BRD8: variants seen among roughly 807,000 people sequenced by gnomAD.
The protein encoded by BRD8 is bromodomain containing 8.
Under a neutral mutation model 143.1 loss-of-function variants are expected in BRD8, and 67 were observed. The observed-to-expected ratio is 0.47, with a 90% CI of 0.38 to 0.57. The LOEUF (loss-of-function observed/expected upper bound fraction) is 0.57, where lower values mean the gene tolerates loss of function less well. Among genes scored for constraint, BRD8 ranks in the 20% least tolerant of loss-of-function variants. The pLI is 0.00. For synonymous variants in BRD8, 505 were observed against 517.1 expected (o/e 0.98, Z 0.32); for missense variants, 1,103 against 1,503.0 (o/e 0.73, Z 4.40).
At chr5:138,169,878 G>GA (rs1226168152) in intron 7 of BRD8, among the ~76,000 whole-genome samples, 2 of 152,198 alleles carry the variant, frequency 1.3e-5, no homozygotes, top group Non-Finnish European at 2.9e-5. Flanking sequence ...AGAATCACTT[G>GA]AACCCGCGAG....
At position 138,160,061 on chromosome 5, in the gene BRD8, C is replaced by T. The variant is rs373221731; in HGVS notation, c.2532+8G>A. 1.2e-5 allele frequency: 20 copies of T among 1,606,774 alleles called. No homozygotes were observed. Among genetic ancestry groups the T allele is most frequent in the African/African-American group, 2.7e-5 (2 of 74,760 alleles). ...ACTGGCACACAGGTTCCTTCCTGATCGCCTCACCTTCTCTGAAGCATCCTG... is the reference window on the plus strand; with the variant it reads ...ACTGGCACACAGGTTCCTTCCTGATTGCCTCACCTTCTCTGAAGCATCCTG... On this transcript the variant is annotated splice_region_variant and intron_variant, in intron 19 of 26. Transcript: ENST00000254900.
At chr5:138,163,031 G>A in intron 15 of BRD8, 99 bp downstream of exon 15, 1 of 746,198 alleles carries the variant, frequency 1.3e-6, no homozygotes, top group Non-Finnish European at 1.9e-6. Context: ...AAAGGGAAAA[G>A]AAAAGAAAAG....
chr5:138,176,038 G>T (rs1306809258), intron 2 of BRD8, among the ~76,000 whole-genome samples: 1 of 151,270 alleles, frequency 6.6e-6, no homozygotes, highest in Non-Finnish European at 1.5e-5. Flanking sequence ...GTACACGAAT[G>T]TGCACATCAT....
At chr5:138,158,643 A>C (rs925974035) in intron 20 of BRD8, among the ~76,000 whole-genome samples, 8 of 147,778 alleles carry the variant, frequency 5.4e-5, no homozygotes, top group Non-Finnish European at 1.2e-4. Flanking sequence ...GGGTTTTTAC[A>C]TGTTGGTCAG....
intron 23 of BRD8, among the ~76,000 whole-genome samples, chr5:138,148,187 A>T (rs1430249739): frequency 1.3e-5 from 2 of 150,634 alleles, no homozygotes; most frequent in Admixed American, 1.3e-4. Flanking sequence ...GAAAAAAAAA[A>T]GGGAAAAAAA....
chr5:138,170,786 A>T (rs755436369), intron 6 of BRD8, 46 bp downstream of exon 6: 28 of 1,512,780 alleles, frequency 1.9e-5, no homozygotes, highest in Middle Eastern at 1.7e-4. Flanking sequence ...AGGGGAAAAG[A>T]GGGTAAAAAG....
intron 9 of BRD8, 140 bp downstream of exon 9, chr5:138,167,794 G>T: frequency 1.4e-6 from 1 of 707,740 alleles, no homozygotes. Flanking sequence ...TGTTTACCAG[G>T]TAAAGTAGCT....
chr5:138,168,682 G>A, intron 8 of BRD8: 2 of 1,569,672 alleles, frequency 1.3e-6, no homozygotes, highest in South Asian at 1.1e-5. Flanking sequence ...AAAGTCCCGG[G>A]GGTTACCTAA....
At position 138,150,842 on chromosome 5, in the gene BRD8, A is replaced by C. The variant is rs747298740; in HGVS notation, c.3023T>G (p.Val1008Gly). Residue 1008 changes from valine (V) to glycine (G), a missense_variant, in exon 22 of 27, where the codon GTA (valine) becomes GGA (glycine). Around this residue, in one of 7 missense-constraint regions of BRD8, gnomAD observed 369 missense variants for 445.5 expected, o/e 0.83. Coordinates refer to ENST00000254900, the MANE Select transcript of BRD8 (RefSeq NM_139199.2). Reference protein sequence around the residue: ...EELSAKGDPLVAEKPLGENGK... With the variant: ...EELSAKGDPLGAEKPLGENGK... ...ATTTTCTCCCAGTGGCTTTTCAGCT[A>C]CTAAGGGGTCTCCTTTAGCTGAAAG... is the stretch of plus-strand genomic sequence containing the variant. 9 of 1,614,118 alleles carry C rather than the reference A, an allele frequency of 5.6e-6. No individual in the cohort carries two copies. The South Asian group carries it at 9.9e-5, about 18-fold the overall frequency.
intron 2 of BRD8, 182 bp downstream of exon 2, chr5:138,177,389 G>A: frequency 7.2e-6 from 3 of 415,904 alleles, no homozygotes; most frequent in South Asian, 3.2e-5. Context: ...AAATTAGCTG[G>A]GCGTGTCCGC....
Position 138,165,074 on chromosome 5 carries a change from G to T in BRD8, c.1371C>A (p.Gly457=). 1 of 1,614,170 alleles carries T rather than the reference G, an allele frequency of 6.2e-7. No individual in the cohort carries two copies. Among genetic ancestry groups the T allele is most frequent in the Non-Finnish European group, 8.5e-7 (1 of 1,180,034 alleles). Residue 457 remains glycine (G), a synonymous_variant, in exon 12 of 27, where the codon GGC becomes GGA. Coordinates refer to ENST00000254900, the MANE Select transcript of BRD8 (RefSeq NM_139199.2). ...EENDDPQSLP[G]PWEHPIQQER... ...CCTGCTGGATAGGATGCTCCCAGGG[G>T]CCAGGCAGGGACTGAGGATCATCAT... is the stretch of plus-strand genomic sequence containing the variant.
At chr5:138,158,779 C>A (rs1489888197) in intron 20 of BRD8, among the ~76,000 whole-genome samples, 1 of 137,402 alleles carries the variant, frequency 7.3e-6, no homozygotes, top group Non-Finnish European at 1.6e-5. Context: ...TTTTTTTTTT[C>A]TTTTGAGACA....
In BRD8 at chr5:138,167,948, G is replaced by T. The variant is rs1261370200; in HGVS notation, c.773C>A (p.Ser258Tyr). 3 of 1,613,532 alleles carry T rather than the reference G, an allele frequency of 1.9e-6. No individual in the cohort carries two copies. The highest frequency in any genetic ancestry group is 2.5e-6 in the Non-Finnish European group (3 of 1,179,536). ...TGGTAACTTACCTGATGCAGCAGGG[G>T]AGGCTGCAACAGTATTGGGTGTTTG... ...IQQTPNTVAASPAASGAPTLS... is the reference protein window; with the variant it reads ...IQQTPNTVAAYPAASGAPTLS... Residue 258 changes from serine to tyrosine, a missense_variant, in exon 9 of 27, where the codon TCC becomes TAC. Transcript: ENST00000254900.
intron 23 of BRD8, among the ~76,000 whole-genome samples, chr5:138,146,870 T>C (rs923111242): frequency 6.8e-6 from 1 of 147,224 alleles, no homozygotes; most frequent in African/African-American, 2.5e-5. Context: ...CTTGGGAGGC[T>C]GAGGCAGGAG....
intron 21 of BRD8, 56 bp downstream of exon 21, chr5:138,152,426 C>T: frequency 6.3e-6 from 10 of 1,590,816 alleles, no homozygotes; most frequent in Non-Finnish European, 8.6e-6. Flanking sequence ...TAAGGATAAG[C>T]ATTCTCTTAG....
chr5:138,165,199 C>CAGAA (rs755660833), intron 11 of BRD8, 33 bp from the exon 12 acceptor site: 4 of 1,594,636 alleles, frequency 2.5e-6, no homozygotes, highest in African/African-American at 1.3e-5. Flanking sequence ...ATTGAGGTCA[C>CAGAA]AGAAAGAAGC....
At chr5:138,156,742 A>G in intron 20 of BRD8, 1 of 765,924 alleles carries the variant, frequency 1.3e-6, no homozygotes, top group Non-Finnish European at 1.6e-6. Flanking sequence ...CTCACACTAC[A>G]GCAAGCAGTT....
rs760049939 is a variant in BRD8 at position 138,165,953 on chromosome 5, C to G, written c.1153G>C (p.Ala385Pro). 1.7e-5 allele frequency: 27 copies of G among 1,614,180 alleles called. No individual in the cohort carries two copies. The highest frequency in any genetic ancestry group is 1.2e-4 in the South Asian group (11 of 91,090). Residue 385 changes from alanine to proline, a missense_variant, in exon 11 of 27, where the codon GCT becomes CCT. Transcript: ENST00000254900. ...TCTTCCTTCCCATCTATGCTGGGAG[C>G]CTTTGATCCAACAGGAGCCTCTGCT... ...GVAEAPVGSK[A>P]PSIDGKEELD...
At chr5:138,149,825 TAGA>T in intron 22 of BRD8, 28 bp from the exon 23 acceptor site, 1 of 1,581,728 alleles carries the variant, frequency 6.3e-7, no homozygotes, top group East Asian at 2.3e-5. Context: ...CAGGAAACTT[TAGA>T]AGGAGATTTA....
Sources: allele counts gnomAD v4.1 joint callset (sites outside exome capture counted in the v4.1 genomes callset), GRCh38; gene constraint gnomAD v4.1.1; regional missense constraint gnomAD v4.1.1; transcripts MANE v1.5; gene names NCBI Gene and HGNC (gene_info 2026-07-23, HGNC 2026-07-21).